The following NCAM1 variants were observed in gnomAD, a reference collection of about 807,000 sequenced individuals.
NCAM1 encodes antigen recognized by monoclonal antibody 5.1H11.
In NCAM1, 14 loss-of-function variants were observed where a neutral mutation model predicts 109.8. The ratio of observed to expected loss-of-function variants is 0.13; its 90% CI spans 0.08 to 0.20. The LOEUF is 0.20. Among genes scored for constraint, NCAM1 ranks in the 10% least tolerant of loss-of-function variants. The pLI, the probability that NCAM1 is intolerant of heterozygous loss-of-function variation, is 1.00. For missense variants in NCAM1, 774 were observed against 1,109.9 expected (o/e 0.70, Z 4.30); for synonymous variants, 418 against 442.9 (o/e 0.94, Z 0.70).
chr11:112,991,075 T>C (rs1951445899), intron 1 of NCAM1, among the ~76,000 whole-genome samples: 2 of 152,174 alleles, frequency 1.3e-5, no homozygotes, highest in African/African-American at 4.8e-5. Flanking sequence ...GCCATCTTAC[T>C]GGTGTTCTCT....
At chr11:112,998,311 C>T (rs558969025) in intron 1 of NCAM1, among the ~76,000 whole-genome samples, 83 of 152,280 alleles carry the variant, frequency 5.5e-4, no homozygotes, top group Non-Finnish European at 1.0e-3. Context: ...TGGAGACTCA[C>T]ATGAGGTAGT....
At chr11:113,008,020 C>T (rs1555073625) in intron 1 of NCAM1, among the ~76,000 whole-genome samples, 2 of 152,206 alleles carry the variant, frequency 1.3e-5, no homozygotes, top group South Asian at 2.1e-4. Context: ...AATAAGGCAC[C>T]GTGTCAATTT....
At chr11:113,148,360 C>T (rs1230711241) in intron 1 of NCAM1, among the ~76,000 whole-genome samples, 2 of 141,364 alleles carry the variant, frequency 1.4e-5, no homozygotes, top group Admixed American at 7.0e-5. Flanking sequence ...GTTTGCGGAG[C>T]TTTTTTTTTT....
chr11:113,198,126 T>G (rs1943912182), intron 1 of NCAM1, among the ~76,000 whole-genome samples: 1 of 152,182 alleles, frequency 6.6e-6, no homozygotes, highest in Non-Finnish European at 1.5e-5. Flanking sequence ...AGGGAGATTG[T>G]TTGGTTCTCA....
chr11:113,064,314 C>T (rs1003906168), intron 1 of NCAM1, among the ~76,000 whole-genome samples: 12 of 152,178 alleles, frequency 7.9e-5, no homozygotes, highest in Non-Finnish European at 8.8e-5. Context: ...TGCCTCCAGG[C>T]AGGAGTAACA....
chr11:113,131,048 C>T (rs923414680), intron 1 of NCAM1, among the ~76,000 whole-genome samples: 10 of 152,138 alleles, frequency 6.6e-5, no homozygotes, highest in African/African-American at 1.2e-4. Context: ...ACAGGACAGA[C>T]GGTTAGTAAC....
chr11:113,263,265 C>T, intron 17 of NCAM1: 28 of 1,034,778 alleles, frequency 2.7e-5, no homozygotes, highest in Non-Finnish European at 3.3e-5. Context: ...GGGTTCAAAC[C>T]TAAATATGAT....
At chr11:113,052,837 C>T (rs2135416596) in intron 1 of NCAM1, among the ~76,000 whole-genome samples, 1 of 152,234 alleles carries the variant, frequency 6.6e-6, no homozygotes, top group South Asian at 2.1e-4. Context: ...TGTCCTGATG[C>T]TCTCCCTCCC....
At chr11:113,082,519 T>C (rs1355022774) in intron 1 of NCAM1, among the ~76,000 whole-genome samples, 1 of 152,244 alleles carries the variant, frequency 6.6e-6, no homozygotes, top group Non-Finnish European at 1.5e-5. Context: ...TAATCTGATA[T>C]TGACTGTTAC....
In NCAM1 at chr11:113,183,274, G is replaced by A. The variant is rs1470190108; in HGVS notation, c.53-19105G>A. Among the ~76,000 whole-genome samples the A allele has an allele frequency of 7.2e-5, 11 of 152,236 alleles. No homozygotes were observed. The East Asian group carries it at 1.4e-3, about 19-fold the overall frequency. ...CCAGTGCCACAGAACCCAGGAGGAC[G>A]TTAGAAACCAGAATCCGGATGCCCT... On this transcript the variant is annotated intron_variant, in intron 1 of 19. Coordinates refer to ENST00000316851, the MANE Select transcript of NCAM1 (RefSeq NM_181351.5).
Position 113,273,668 on chromosome 11 carries a change from C to A in NCAM1, c.2457-1599C>A, listed in dbSNP as rs181319845. 8.8e-6 allele frequency: 4 copies of A among 456,116 alleles called. No homozygotes were observed. The highest frequency in any genetic ancestry group is 8.0e-5 in the African/African-American group (4 of 50,094). 28.3% of individuals were successfully genotyped at this position (456,116 alleles called of 1,614,324 possible). A position where few individuals can be genotyped will look rare whatever the true frequency, so the allele number is the denominator to read the frequency against. ...CAGCCCTGGGCTCTCCTGCTCCCGC[C>A]GCTGGGGCCAGTGGACAAGCCCCTG... On this transcript the variant is annotated intron_variant, in intron 19 of 19. Coordinates refer to ENST00000316851, the MANE Select transcript of NCAM1 (RefSeq NM_181351.5). This position sits in a 1 kb window ranked among gnomAD's most constrained non-coding sequence, Gnocchi z 6.0.
At position 112,991,626 on chromosome 11, in the gene NCAM1, C is replaced by T. The variant is rs368524974; in HGVS notation, c.52+29962C>T. Among the ~76,000 whole-genome samples, 34 of 152,292 alleles carry T rather than the reference C, an allele frequency of 2.2e-4. No homozygotes were observed. The East Asian group carries it at 3.1e-3, about 14-fold the overall frequency. ...AGAGCAGAGCTTACTTGACCAGGTT[C>T]GCACAAATAGCTACTCATTGTTCTG... On this transcript the variant is annotated intron_variant, in intron 1 of 19. Coordinates refer to ENST00000316851, the MANE Select transcript of NCAM1 (RefSeq NM_181351.5).
At chr11:113,253,412 T>C (rs1397523840) in intron 15 of NCAM1, among the ~76,000 whole-genome samples, 1 of 152,060 alleles carries the variant, frequency 6.6e-6, no homozygotes, top group African/African-American at 2.4e-5. Flanking sequence ...ACAGCCCAGG[T>C]GTAGTTGGTA....
At chr11:113,236,030 C>T (rs1945157958) in intron 14 of NCAM1, among the ~76,000 whole-genome samples, 1 of 152,178 alleles carries the variant, frequency 6.6e-6, no homozygotes, top group Non-Finnish European at 1.5e-5. Context: ...TAAAATGCAC[C>T]TGGGAGAATC....
chr11:113,063,905 G>A (rs1323135553), intron 1 of NCAM1, among the ~76,000 whole-genome samples: 1 of 152,198 alleles, frequency 6.6e-6, no homozygotes, highest in Non-Finnish European at 1.5e-5. Context: ...TCCACAGAAA[G>A]GAGAATCTGT....
intron 1 of NCAM1, among the ~76,000 whole-genome samples, chr11:113,056,654 A>T (rs527637003): frequency 6.6e-6 from 1 of 152,268 alleles, no homozygotes; most frequent in South Asian, 2.1e-4. Flanking sequence ...CCCACAAGGA[A>T]ATGAATGCTG....
At chr11:113,166,181 T>C (rs1396913383) in intron 1 of NCAM1, among the ~76,000 whole-genome samples, 1 of 152,024 alleles carries the variant, frequency 6.6e-6, no homozygotes, top group Non-Finnish European at 1.5e-5. Context: ...GCCTTCTCCC[T>C]GGGAAATGTG....
chr11:113,005,347 C>G (rs1951865963), intron 1 of NCAM1, among the ~76,000 whole-genome samples: 1 of 152,150 alleles, frequency 6.6e-6, no homozygotes, highest in Admixed American at 6.5e-5. Context: ...GAATGATGAG[C>G]TTCGTTATAG....
Position 112,961,537 on chromosome 11 carries a change from C to A in NCAM1, c.-76C>A, listed in dbSNP as rs1950555019. 1 of 944,936 alleles carries A rather than the reference C, an allele frequency of 1.1e-6. No homozygotes were observed. The highest frequency in any genetic ancestry group is 1.6e-5 in the African/African-American group (1 of 61,752). 58.5% of individuals were successfully genotyped at this position (944,936 alleles called of 1,614,324 possible). A position where few individuals can be genotyped will look rare whatever the true frequency, so the allele number is the denominator to read the frequency against. On this transcript the variant is annotated 5_prime_UTR_variant, in exon 1 of 20. Coordinates refer to ENST00000316851, the MANE Select transcript of NCAM1 (RefSeq NM_181351.5). ...TGCCCCTAGGTCTGTCGCTCAGCCGCCGTCCACACTCGCTGCAGGGGGGGG... is the reference window on the plus strand; with the variant it reads ...TGCCCCTAGGTCTGTCGCTCAGCCGACGTCCACACTCGCTGCAGGGGGGGG...
Sources: gnomAD v4.1 joint callset for allele counts (sites outside exome capture counted in the v4.1 genomes callset) on GRCh38, gnomAD v4.1.1 for gene constraint, Gnocchi (gnomAD v3.1) non-coding constraint, MANE v1.5 for transcripts, NCBI Gene and HGNC (gene_info 2026-07-23, HGNC 2026-07-21) for gene names.